NAALADL2: variants seen among roughly 807,000 people sequenced by gnomAD.
The protein encoded by NAALADL2 is N-acetylated alpha-linked acidic dipeptidase like 2, also known as inactive N-acetylated-alpha-linked acidic dipeptidase-like protein 2.
NAALADL2 carries 76 observed loss-of-function variants against 87.2 expected under a neutral mutation model. That is an observed-to-expected ratio of 0.87 (90% CI 0.72 to 1.05). NAALADL2 has a LOEUF of 1.05. Ranked by LOEUF, NAALADL2 falls within the 50% of genes least tolerant of loss-of-function variation. NAALADL2 has a pLI of 0.00. For synonymous variants in NAALADL2, 354 were observed against 331.0 expected (o/e 1.07, Z -0.75); for missense variants, 1,089 against 945.8 (o/e 1.15, Z -1.99).
intron 1 of NAALADL2, among the ~76,000 whole-genome samples, chr3:174,994,995 A>G (rs76455610): frequency 0.011 from 1,631 of 152,222 alleles, 25 homozygotes; most frequent in African/African-American, 0.038. Flanking sequence ...ATCATTGTGA[A>G]TGGTGATTCT....
chr3:175,752,050 G>A (rs1746685428), intron 12 of NAALADL2, among the ~76,000 whole-genome samples: 1 of 151,968 alleles, frequency 6.6e-6, no homozygotes, highest in Non-Finnish European at 1.5e-5. Context: ...TGATTTTGTA[G>A]ACATTGTTTA....
chr3:175,329,320 T>C (rs1325685675), intron 5 of NAALADL2, among the ~76,000 whole-genome samples: 1 of 152,216 alleles, frequency 6.6e-6, no homozygotes, highest in African/African-American at 2.4e-5. Flanking sequence ...ACACAGTTTA[T>C]TTAATATTCC....
chr3:174,983,040 C>T (rs960273180), intron 1 of NAALADL2, among the ~76,000 whole-genome samples: 5 of 152,096 alleles, frequency 3.3e-5, no homozygotes, highest in South Asian at 4.1e-4. Flanking sequence ...CCTCGTGATC[C>T]GCCTGCCTCG....
intron 2 of NAALADL2, among the ~76,000 whole-genome samples, chr3:174,605,389 G>T (rs976547662): frequency 3.9e-5 from 6 of 152,208 alleles, no homozygotes; most frequent in Non-Finnish European, 7.3e-5. Flanking sequence ...GAAGCACAAG[G>T]GGTCAGGGAG....
chr3:175,390,610 A>G (rs201277764), intron 5 of NAALADL2, among the ~76,000 whole-genome samples: 1 of 152,154 alleles, frequency 6.6e-6, no homozygotes. Flanking sequence ...TGTGGTAAAT[A>G]AGGGTTTTTT....
chr3:175,747,506 T>C lies in NAALADL2; in HGVS notation c.1991-7714T>C, dbSNP rs141636519. Among the ~76,000 whole-genome samples the C allele has an allele frequency of 4.6e-5, 7 of 152,336 alleles. No individual in the cohort carries two copies. The East Asian group carries it at 1.4e-3, about 29-fold the overall frequency. On this transcript the variant is annotated intron_variant, in intron 12 of 13. Coordinates refer to ENST00000454872, the MANE Select transcript of NAALADL2 (RefSeq NM_207015.3). ...GACAGAATAGTACCATAACCCATTATTCTATGAGTGTTTCCTCACTGGCAC... is the reference window on the plus strand; with the variant it reads ...GACAGAATAGTACCATAACCCATTACTCTATGAGTGTTTCCTCACTGGCAC...
intron 5 of NAALADL2, among the ~76,000 whole-genome samples, chr3:175,374,901 TA>T (rs1766958156): frequency 6.6e-6 from 1 of 151,636 alleles, no homozygotes; most frequent in Middle Eastern, 3.2e-3. Flanking sequence ...AATAAATAAA[TA>T]AATAAATAAA....
chr3:175,236,565 AAAG>A (rs1435702495), intron 3 of NAALADL2, among the ~76,000 whole-genome samples: 5 of 147,666 alleles, frequency 3.4e-5, no homozygotes, highest in South Asian at 2.1e-4. Flanking sequence ...AAAAAAAAAA[AAAG>A]AAGAAAAAGC....
At chr3:175,698,361 GTATA>G (rs1259672664) in intron 11 of NAALADL2, among the ~76,000 whole-genome samples, 1 of 46,212 alleles carries the variant, frequency 2.2e-5, no homozygotes, top group East Asian at 5.0e-4. Flanking sequence ...TTATGTATGT[GTATA>G]TATGTATGTG....
At chr3:175,690,743 G>C (rs896029366) in intron 11 of NAALADL2, among the ~76,000 whole-genome samples, 7 of 151,790 alleles carry the variant, frequency 4.6e-5, no homozygotes, top group African/African-American at 1.7e-4. Flanking sequence ...GCAATTGAAG[G>C]ATGATACATG....
intron 2 of NAALADL2, among the ~76,000 whole-genome samples, chr3:175,132,170 TG>T (rs1728108487): frequency 9.8e-6 from 1 of 102,152 alleles, no homozygotes; most frequent in African/African-American, 4.5e-5. Context: ...ACGGGGCAGC[TG>T]GCTGGGCAGA....
chr3:175,560,457 C>T (rs544371076), intron 9 of NAALADL2, among the ~76,000 whole-genome samples: 3 of 151,752 alleles, frequency 2.0e-5, no homozygotes, highest in Admixed American at 6.6e-5. Context: ...GTTTTTATTT[C>T]GTTTCAATTT....
rs1213146181 is a variant in NAALADL2 at position 175,368,585 on chromosome 3, G to GTA, written c.1090+44261_1090+44262insAT. Among the ~76,000 whole-genome samples, 19 of 151,894 alleles carry GTA rather than the reference G, an allele frequency of 1.3e-4. No homozygotes were observed. The East Asian group carries it at 2.5e-3, about 20-fold the overall frequency. ...CAGGTGTGTGTGAGTGTGTGTGTGT[G>GTA]TGTGTGTGTGTTTATAGCCAGTATG... On this transcript the variant is annotated intron_variant, in intron 5 of 13. Transcript: ENST00000454872.
intron 2 of NAALADL2, among the ~76,000 whole-genome samples, chr3:175,227,234 G>A (rs1341952194): frequency 1.3e-5 from 2 of 152,036 alleles, no homozygotes; most frequent in African/African-American, 4.8e-5. Flanking sequence ...CTCCAATTCT[G>A]ACATCACTGT....
chr3:175,698,407 TTATG>T (rs1284027891), intron 11 of NAALADL2, among the ~76,000 whole-genome samples: 2 of 57,328 alleles, frequency 3.5e-5, no homozygotes, highest in African/African-American at 2.1e-4. Flanking sequence ...GTATGTGTAT[TTATG>T]TATGTATACA....
rs1387450043 is a variant in NAALADL2 at position 174,610,643 on chromosome 3, A to G, written c.-115+60006A>G. Among the ~76,000 whole-genome samples, 7 of 152,162 alleles carry G rather than the reference A, an allele frequency of 4.6e-5. No homozygotes were observed. The South Asian group carries it at 1.0e-3, about 23-fold the overall frequency. On this transcript the variant is annotated intron_variant, in intron 2 of 3. Transcript: ENST00000434257. The stretch of plus-strand genomic sequence containing the variant: ...ACCATCTCACACCAGTTAGAATGGC[A>G]ATCATTAAAAAGTCAGGAAACAACA...
chr3:174,606,764 G>A (rs1719120961), intron 2 of NAALADL2, among the ~76,000 whole-genome samples: 1 of 152,146 alleles, frequency 6.6e-6, no homozygotes, highest in Admixed American at 6.5e-5. Context: ...TTATCCAGGA[G>A]AACTTCCCCA....
intron 2 of NAALADL2, among the ~76,000 whole-genome samples, chr3:174,645,189 A>G (rs974330979): frequency 6.6e-6 from 1 of 152,226 alleles, no homozygotes; most frequent in Non-Finnish European, 1.5e-5. Context: ...AAATCTGGGC[A>G]TTATTGTATA....
intron 2 of NAALADL2, among the ~76,000 whole-genome samples, chr3:174,733,700 G>A (rs1416614934): frequency 6.6e-6 from 1 of 152,228 alleles, no homozygotes; most frequent in Non-Finnish European, 1.5e-5. Context: ...GTATTGCCAT[G>A]GAAGAAGGAT....
Sources: gnomAD v4.1 joint callset for allele counts (sites outside exome capture counted in the v4.1 genomes callset) on GRCh38, gnomAD v4.1.1 for gene constraint, MANE v1.5 for transcripts, NCBI Gene and HGNC (gene_info 2026-07-23, HGNC 2026-07-21) for gene names.